Variants in SLC17A1 observed in about 807,000 individuals in gnomAD.
SLC17A1 encodes the protein solute carrier family 17 member 1.
SLC17A1 carries 51 observed loss-of-function variants against 53.5 expected under a neutral mutation model. That is an observed-to-expected ratio of 0.95 (90% confidence interval 0.76 to 1.20). SLC17A1 has a LOEUF of 1.20. SLC17A1 is among the 50% of genes most tolerant of loss of function. SLC17A1 has a pLI of 0.00. For synonymous variants in SLC17A1, 179 were observed against 198.8 expected (o/e 0.90, Z 0.84); for missense variants, 538 against 568.2 (o/e 0.95, Z 0.54).
At chr6:25,759,369 A>G in the SLC17A1 span, among the ~76,000 whole-genome samples, 1 of 152,172 alleles carries the variant, frequency 6.6e-6, no homozygotes, top group Non-Finnish European at 1.5e-5. Context: ...TTCTGTCTTG[A>G]TGACCTGTCT....
chr6:25,773,808 T>C, the SLC17A1 span: 1 of 791,818 alleles, frequency 1.3e-6, no homozygotes, highest in Admixed American at 2.9e-5. Flanking sequence ...ATATAGGAAA[T>C]GCAATCTAGT....
At chr6:25,776,863 GC>G in the SLC17A1 span, 6 of 1,613,852 alleles carry the variant, frequency 3.7e-6, no homozygotes, top group African/African-American at 1.3e-5. Context: ...GTCAGATCCA[GC>G]CACAGCATGA....
At chr6:25,764,827 G>A in the SLC17A1 span, among the ~76,000 whole-genome samples, 1 of 152,210 alleles carries the variant, frequency 6.6e-6, no homozygotes, top group Non-Finnish European at 1.5e-5. Flanking sequence ...TTAGCATCAG[G>A]GGCCAGTGCT....
the SLC17A1 span, among the ~76,000 whole-genome samples, chr6:25,752,891 G>T: frequency 6.6e-6 from 1 of 151,874 alleles, no homozygotes; most frequent in East Asian, 1.9e-4. Flanking sequence ...GACAGAGCTT[G>T]CAGTGAGCCG....
At chr6:25,758,741 GC>G in the SLC17A1 span, among the ~76,000 whole-genome samples, 10 of 49,080 alleles carry the variant, frequency 2.0e-4, no homozygotes, top group Admixed American at 2.5e-3. Flanking sequence ...CAAAGAACCA[GC>G]TTTTTTGTTT....
At chr6:25,772,642 A>G in the SLC17A1 span, among the ~76,000 whole-genome samples, 3 of 152,180 alleles carry the variant, frequency 2.0e-5, no homozygotes, top group Non-Finnish European at 4.4e-5. Context: ...AAATTGGGTA[A>G]TTAATTTCAC....
chr6:25,726,004 G>C, the SLC17A1 span: 1 of 836,018 alleles, frequency 1.2e-6, no homozygotes, highest in Non-Finnish European at 1.8e-6. Flanking sequence ...TGACAGGCAA[G>C]TAAGATGGCT....
At chr6:25,735,528 A>T in the SLC17A1 span, among the ~76,000 whole-genome samples, 1 of 152,232 alleles carries the variant, frequency 6.6e-6, no homozygotes, top group Non-Finnish European at 1.5e-5. Context: ...ACTGAATTCA[A>T]GTACCCAAAC....
At chr6:25,789,678 CTG>C (rs897280804) in intron 12 of SLC17A1, among the ~76,000 whole-genome samples, 22 of 152,244 alleles carry the variant, frequency 1.4e-4, no homozygotes, top group African/African-American at 5.1e-4. Context: ...GAAACCCACA[CTG>C]GGGAACTTCT....
At chr6:25,756,562 A>T in the SLC17A1 span, among the ~76,000 whole-genome samples, 2 of 151,984 alleles carry the variant, frequency 1.3e-5, no homozygotes, top group Non-Finnish European at 2.9e-5. Context: ...TGCCTGCATC[A>T]CGCTGTCCCC....
downstream of SLC17A1, chr6:25,779,499 C>T (rs3734525): frequency 0.043 from 10,439 of 240,862 alleles, 802 homozygotes; most frequent in African/African-American, 0.18. Flanking sequence ...ACCTTGGGAC[C>T]GAGAACTGAG....
chr6:25,733,296 G>T, the SLC17A1 span, among the ~76,000 whole-genome samples: 1 of 152,180 alleles, frequency 6.6e-6, no homozygotes, highest in Non-Finnish European at 1.5e-5. Context: ...TTGAATTTTA[G>T]TTAGAGTGTC....
At chr6:25,785,856 G>C (rs1403055304) in intron 12 of SLC17A1, among the ~76,000 whole-genome samples, 1 of 152,174 alleles carries the variant, frequency 6.6e-6, no homozygotes, top group Non-Finnish European at 1.5e-5. Flanking sequence ...TGGAGAATTG[G>C]AATTCTACAT....
chr6:25,808,970 C>A (rs553908690), intron 10 of SLC17A1, among the ~76,000 whole-genome samples: 24 of 152,150 alleles, frequency 1.6e-4, no homozygotes, highest in African/African-American at 5.8e-4. Flanking sequence ...TATTGCAACA[C>A]TATTCACAGT....
chr6:25,742,158 A>C, the SLC17A1 span, among the ~76,000 whole-genome samples: 12 of 152,188 alleles, frequency 7.9e-5, no homozygotes, highest in Non-Finnish European at 1.3e-4. Flanking sequence ...AGGTTAAAAG[A>C]ATCATCCGGC....
the SLC17A1 span, chr6:25,776,757 C>T: frequency 2.6e-5 from 42 of 1,613,750 alleles, no homozygotes; most frequent in East Asian, 1.3e-4. Context: ...CAGGGGTGAA[C>T]GTGGGAAGCT....
chr6:25,729,000 G>A, the SLC17A1 span, among the ~76,000 whole-genome samples: 42 of 152,238 alleles, frequency 2.8e-4, no homozygotes, highest in African/African-American at 9.4e-4. Context: ...ATTGGGGATG[G>A]GATCATCTCT....
intron 10 of SLC17A1, among the ~76,000 whole-genome samples, chr6:25,807,155 G>A (rs779600552): frequency 1.3e-5 from 2 of 152,060 alleles, no homozygotes; most frequent in Admixed American, 6.6e-5. Flanking sequence ...TCTACCATTC[G>A]ATCCAGAAAT....
At chr6:25,826,060 T>C (rs1764729351) in intron 3 of SLC17A1, among the ~76,000 whole-genome samples, 1 of 152,146 alleles carries the variant, frequency 6.6e-6, no homozygotes, top group South Asian at 2.1e-4. Context: ...CATCTTCTGG[T>C]AGATAACAAC....
Sources: allele counts gnomAD v4.1 joint callset (sites outside exome capture counted in the v4.1 genomes callset), GRCh38; gene constraint gnomAD v4.1.1; transcripts MANE v1.5; gene names NCBI Gene and HGNC (gene_info 2026-07-23, HGNC 2026-07-21).